The following ITPRID2 variants were observed in gnomAD, a reference collection of about 807,000 sequenced individuals.
The protein encoded by ITPRID2 is protein ITPRID2.
Under a neutral mutation model 124.3 loss-of-function variants are expected in ITPRID2, and 60 were observed. The ratio of observed to expected loss-of-function variants is 0.48; its 90% confidence interval spans 0.39 to 0.60. ITPRID2 has a LOEUF of 0.60. ITPRID2 is among the 20% of genes least tolerant of loss of function. ITPRID2 has a pLI of 0.00. For missense variants in ITPRID2, 1,553 were observed against 1,512.2 expected, an observed-to-expected ratio of 1.03 and a Z score of -0.45; for synonymous variants, 521 against 542.9, an observed-to-expected ratio of 0.96 and a Z score of 0.56.
rs1305278165 is a variant in ITPRID2 at position 181,892,618 on chromosome 2, A to G, written c.215A>G (p.Asn72Ser). The change falls in exon 2 of 18, where the codon AAC (asparagine) becomes AGC (serine). Residue 72 changes from asparagine (N) to serine (S), a missense_variant. By Grantham distance (46) the Asn-to-Ser change is conservative (BLOSUM62 1). Transcript: ENST00000431877. This position sits in a 1 kb window ranked among gnomAD's most constrained non-coding sequence, Gnocchi z 5.2. ...AQLPAAGGRG[N>S]VPNEKIAIWL... is the part of the protein sequence containing the mutation. ...TGTCCCCTCTCTCTACCCCCAGGAA[A>G]CGTGCCCAACGAGAAGATCGCGATA... 4 of 1,613,862 alleles carry G rather than the reference A, an allele frequency of 2.5e-6. No individual in the cohort carries two copies. In the African/African-American group the frequency reaches 5.3e-5, roughly 22 times the overall value.
At chr2:181,909,454 G>T (rs570585415) in intron 8 of ITPRID2, among the ~76,000 whole-genome samples, 1 of 152,072 alleles carries the variant, frequency 6.6e-6, no homozygotes. Context: ...GAAGTTTAAC[G>T]TATAGAGAAC....
chr2:181,892,216 C>G lies in ITPRID2; in HGVS notation c.150C>G (p.Asp50Glu). 1 of 1,551,058 alleles carries G rather than the reference C, an allele frequency of 6.4e-7. No homozygotes were observed. Among genetic ancestry groups the G allele is most frequent in the South Asian group, 1.2e-5 (1 of 83,966 alleles). The change falls in exon 1 of 18, where the codon GAC becomes GAG. Residue 50 changes from aspartate (D) to glutamate (E), a missense_variant. By Grantham distance (45) the Asp-to-Glu change is conservative. Transcript: ENST00000431877. This position sits in a 1 kb window ranked among gnomAD's most constrained non-coding sequence, Gnocchi z 5.2. ...TGTCCACAGAAGCGACGACGCAGGA[C>G]GAGGAGGAGGACGAGGAGGAGGACC... ...EDLSTEATTQ[D>E]EEEDEEEDLP...
chr2:181,906,197 C>T lies in ITPRID2; in HGVS notation c.1414-3702C>T, dbSNP rs537417742. Among the ~76,000 whole-genome samples the T allele has an allele frequency of 2.6e-5, 4 of 152,230 alleles. No homozygotes were observed. The East Asian group carries it at 7.7e-4, about 29-fold the overall frequency. ...TCCCTTTACAAATGAGGAAGCATCC[C>T]CTCCCTCATTTGATATTGTTTTATA... On this transcript the variant is annotated intron_variant, in intron 8 of 17. Transcript: ENST00000431877.
chr2:181,893,933 C>T (rs572265076), intron 2 of ITPRID2: 4 of 152,096 alleles, frequency 2.6e-5, no homozygotes, highest in Admixed American at 1.3e-4. Flanking sequence ...TCTGATAAAA[C>T]TAGTATCTTT....
intron 11 of ITPRID2, 145 bp from the exon 12 acceptor site, chr2:181,918,452 TC>T: frequency 2.8e-6 from 4 of 1,454,396 alleles, no homozygotes; most frequent in Non-Finnish European, 3.6e-6. Context: ...ATTTCTTTTT[TC>T]CTGCTTACAA....
At chr2:181,908,198 C>T (rs1026470670) in intron 8 of ITPRID2, among the ~76,000 whole-genome samples, 5 of 152,056 alleles carry the variant, frequency 3.3e-5, no homozygotes, top group African/African-American at 1.2e-4. Context: ...TGGTGAAACC[C>T]CATCTCTACC....
intron 11 of ITPRID2, chr2:181,917,701 T>C (rs1694179348): frequency 6.6e-6 from 1 of 152,354 alleles, no homozygotes; most frequent in Admixed American, 6.5e-5. Context: ...GCCTCATTCC[T>C]TAGCTGTAGG....
chr2:181,910,642 A>C lies in ITPRID2; in HGVS notation c.1486+671A>C. ...ATGACCACTGAAGGTAGGACTGTTT[A>C]TTTTTGAAACTTTACACATGCTGAA... On this transcript the variant is annotated intron_variant, in intron 9 of 17. Transcript: ENST00000431877. This position sits in a 1 kb window ranked among gnomAD's most constrained non-coding sequence, Gnocchi z 4.1. The C allele has an allele frequency of 1.5e-6, 1 of 687,964 alleles. No homozygotes were observed. The highest frequency in any genetic ancestry group is 2.7e-6 in the Non-Finnish European group (1 of 373,072). 42.6% of individuals were successfully genotyped at this position (687,964 alleles called of 1,614,324 possible).
chr2:181,898,162 T>C (rs1692363576), intron 4 of ITPRID2, among the ~76,000 whole-genome samples: 1 of 152,064 alleles, frequency 6.6e-6, no homozygotes, highest in South Asian at 2.1e-4. Flanking sequence ...TTAGGCACCT[T>C]TCTGGTGGAT....
At chr2:181,913,288 C>T (rs1693766168) in intron 9 of ITPRID2, among the ~76,000 whole-genome samples, 4 of 152,064 alleles carry the variant, frequency 2.6e-5, no homozygotes, top group South Asian at 2.1e-4. Flanking sequence ...AGGATGGTCT[C>T]GATCTCCTAA....
At chr2:181,908,772 T>G (rs937303430) in intron 8 of ITPRID2, among the ~76,000 whole-genome samples, 3 of 152,204 alleles carry the variant, frequency 2.0e-5, no homozygotes, top group African/African-American at 7.2e-5. Flanking sequence ...CTCTTATTCC[T>G]TTGGAATATT....
At chr2:181,924,270 C>T (rs1694690750) in intron 16 of ITPRID2, among the ~76,000 whole-genome samples, 1 of 151,996 alleles carries the variant, frequency 6.6e-6, no homozygotes, top group African/African-American at 2.4e-5. Context: ...AGTTTAATGC[C>T]AGTTATAATT....
intron 9 of ITPRID2, among the ~76,000 whole-genome samples, chr2:181,912,088 C>T (rs1693653786): frequency 6.6e-6 from 1 of 152,180 alleles, no homozygotes; most frequent in African/African-American, 2.4e-5. Context: ...AGGCACCTGC[C>T]CTTGCCTAGC....
At chr2:181,906,503 G>A (rs1052088806) in intron 8 of ITPRID2, among the ~76,000 whole-genome samples, 2 of 152,152 alleles carry the variant, frequency 1.3e-5, no homozygotes, top group African/African-American at 4.8e-5. Context: ...ACTGTGTGGA[G>A]GCTGAGGCAG....
intron 16 of ITPRID2, among the ~76,000 whole-genome samples, chr2:181,927,109 G>A (rs900667986): frequency 7.9e-5 from 12 of 152,134 alleles, no homozygotes; most frequent in African/African-American, 2.9e-4. Flanking sequence ...AAATAACTAT[G>A]TATAAATCTA....
intron 11 of ITPRID2, chr2:181,917,182 G>C (rs1694129322): frequency 5.6e-6 from 1 of 177,344 alleles, no homozygotes; most frequent in Admixed American, 6.5e-5. Flanking sequence ...ATCATGTTTA[G>C]ACAATTGAGG....
Position 181,892,777 on chromosome 2 carries a change from G to A in ITPRID2, c.257+117G>A. ...CCGCGACCGTTGTAAGCTACAAACC[G>A]GAAAGTGAGCCGGCGGATAGCTTCC... is the stretch of plus-strand genomic sequence containing the variant. On this transcript the variant is annotated intron_variant, in intron 2 of 17. Coordinates refer to ENST00000431877, the MANE Select transcript of ITPRID2 (RefSeq NM_001130445.3). The surrounding 1 kb of genome is among the most constrained non-coding windows in gnomAD (Gnocchi z 5.2). 8.2e-7 allele frequency: 1 copy of A among 1,221,080 alleles called. No individual in the cohort carries two copies. Among genetic ancestry groups the A allele is most frequent in the Non-Finnish European group, 1.2e-6 (1 of 843,424 alleles). The allele number at this position is 1,221,080 out of a possible 1,614,324, so 75.6% of individuals were successfully genotyped here.
intron 17 of ITPRID2, among the ~76,000 whole-genome samples, chr2:181,928,782 C>T (rs546645440): frequency 4.6e-5 from 7 of 152,194 alleles, no homozygotes; most frequent in East Asian, 3.9e-4. Flanking sequence ...CCAGCCACTA[C>T]GCCCGGCTAA....
rs370591849 is a variant in ITPRID2 at position 181,916,350 on chromosome 2, A to T, written c.2710A>T (p.Asn904Tyr). Reference protein sequence around the residue: ...ATYPYRVCSVNPPSAIEMQLR... With the variant: ...ATYPYRVCSVYPPSAIEMQLR... ...CTACCCTTACCGAGTGTGCTCTGTG[A>T]ATCCTCCTTCAGCCATAGAAATGCA... The change falls in exon 11 of 18, where the codon AAT (asparagine) becomes TAT (tyrosine). Residue 904 changes from asparagine (N) to tyrosine (Y), a missense_variant. Coordinates refer to ENST00000431877, the MANE Select transcript of ITPRID2 (RefSeq NM_001130445.3). The T allele has an allele frequency of 1.9e-6, 3 of 1,614,104 alleles. No homozygotes were observed. The highest frequency in any genetic ancestry group is 1.6e-4 in the Middle Eastern group (1 of 6,084).
Sources: gnomAD v4.1 joint callset for allele counts (sites outside exome capture counted in the v4.1 genomes callset) on GRCh38, gnomAD v4.1.1 for gene constraint, Gnocchi (gnomAD v3.1) non-coding constraint, MANE v1.5 for transcripts, NCBI Gene and HGNC (gene_info 2026-07-23, HGNC 2026-07-21) for gene names.